Variants in MED25 observed in about 807,000 individuals in gnomAD.
MED25 encodes the protein mediator of RNA polymerase II transcription subunit 25.
A neutral mutation model predicts 89.4 loss-of-function variants in MED25; 62 were observed. That is an observed-to-expected ratio of 0.69 (90% CI 0.57 to 0.86). The LOEUF (loss-of-function observed/expected upper bound fraction) is 0.86, where lower values mean the gene tolerates loss of function less well. MED25 is among the 40% of genes least tolerant of loss of function. The pLI, the probability that MED25 is intolerant of heterozygous loss-of-function variation, is 0.00. For synonymous variants in MED25, 449 were observed against 427.9 expected, an observed-to-expected ratio of 1.05 and a Z score of -0.61; for missense variants, 905 against 1,005.2, an observed-to-expected ratio of 0.90 and a Z score of 1.35.
Position 49,831,394 on chromosome 19 carries a change from C to T in MED25, c.1163C>T (p.Ala388Val), listed in dbSNP as rs767471143. 6.2e-7 allele frequency: 1 copy of T among 1,611,064 alleles called. No homozygotes were observed. The highest frequency in any genetic ancestry group is 8.5e-7 in the Non-Finnish European group (1 of 1,178,870). Residue 388 changes from alanine (A) to valine (V), a missense_variant, in exon 10 of 18, where the codon GCC becomes GTC. Ala to Val is a moderately conservative substitution (Grantham distance 64). Transcript: ENST00000312865. The surrounding 1 kb of genome is among the most constrained non-coding windows in gnomAD (Gnocchi z 5.0). ...TCCCCAGCCCAGCTGGGAGCCCCAG[C>T]CCTCGGTGGGCAGCAGTCAGTCTCC... ...GPSPAQLGAP[A>V]LGGQQSVSNK...
In MED25 at chr19:49,829,115, C is replaced by T. The variant is rs770674259; in HGVS notation, c.525+25C>T. 17 of 1,605,214 alleles carry T rather than the reference C, an allele frequency of 1.1e-5. No homozygotes were observed. Among genetic ancestry groups the T allele is most frequent in the African/African-American group, 8.0e-5 (6 of 74,596 alleles). ...GGTGAGGACTCCAGGGTCTGAGGGA[C>T]GAGGGTCTGGGGGCCCGGAGTCTTG... is the stretch of plus-strand genomic sequence containing the variant. On this transcript the variant is annotated intron_variant, in intron 5 of 17. Transcript: ENST00000312865. The surrounding 1 kb of genome is among the most constrained non-coding windows in gnomAD (Gnocchi z 4.6).
In MED25 at chr19:49,836,757, C is replaced by T; in HGVS notation, c.2147-90C>T. ...CAGAAGGTGCTTCTGTTGGGTCCCCCAAGGGCTGCCTAGAAAACTTAGTGC... is the reference window on the plus strand; with the variant it reads ...CAGAAGGTGCTTCTGTTGGGTCCCCTAAGGGCTGCCTAGAAAACTTAGTGC... On this transcript the variant is annotated intron_variant, in intron 17 of 17. Transcript: ENST00000312865. The surrounding 1 kb of genome is among the most constrained non-coding windows in gnomAD (Gnocchi z 5.1). 1.0e-6 allele frequency: 1 copy of T among 977,966 alleles called. No individual in the cohort carries two copies. Among genetic ancestry groups the T allele is most frequent in the African/African-American group, 1.6e-5 (1 of 62,314 alleles). The allele number at this position is 977,966 out of a possible 1,614,324, so 60.6% of individuals were successfully genotyped here. A position where few individuals can be genotyped will look rare whatever the true frequency, so the allele number is the denominator to read the frequency against.
At chr19:49,818,965 C>T (rs2073961159) in intron 2 of MED25, 2 of 650,682 alleles carry the variant, frequency 3.1e-6, no homozygotes, top group East Asian at 2.8e-5. Flanking sequence ...GGCCTGGGCT[C>T]CTGGGTCTGA....
downstream of MED25, chr19:49,837,048 C>T (rs1366020545): frequency 3.2e-6 from 3 of 923,814 alleles, no homozygotes; most frequent in Non-Finnish European, 3.5e-6. Context: ...CATCTCTGTC[C>T]TTGTTCTCAC....
In MED25 at chr19:49,832,235, C is replaced by T. The variant is rs1183229063; in HGVS notation, c.1375-73C>T. ...TCTCTTTCCTGTTCCCTGCCCCACC[C>T]CCACTCCCTGCCTCATGTCCCCGCC... On this transcript the variant is annotated intron_variant, in intron 12 of 17. Coordinates refer to ENST00000312865, the MANE Select transcript of MED25 (RefSeq NM_030973.4). The T allele has an allele frequency of 1.9e-6, 3 of 1,546,524 alleles. No homozygotes were observed. In the African/African-American group the frequency reaches 4.1e-5, roughly 21 times the overall value.
rs1479596770 is a variant in MED25 at position 49,821,806 on chromosome 19, A to G, written c.305+2510A>G. 5.3e-3 allele frequency among the ~76,000 whole-genome samples: 769 copies of G among 144,784 alleles called. 8 individuals carry two copies. Among genetic ancestry groups the G allele is most frequent in the African/African-American group, 0.019 (708 of 37,898 alleles). The allele number at this position is 144,784 out of a possible 152,430, so 95.0% of individuals were successfully genotyped here. On this transcript the variant is annotated intron_variant, in intron 3 of 17. Transcript: ENST00000312865. ...ACTCCAGCCTGGGCAACAAGAGTGA[A>G]ATTCTGTCTCAAAAAAAAAAAAAAA...
In MED25 at chr19:49,835,474, G is replaced by T; in HGVS notation, c.1675-60G>T. The T allele has an allele frequency of 6.8e-7, 1 of 1,468,748 alleles. No homozygotes were observed. 91.0% of individuals were successfully genotyped at this position (1,468,748 alleles called of 1,614,324 possible). ...TTCCCCTCAGGGCACAGGCCCTCCC[G>T]CCTCAGATTCAGGATGCCACCACCC... On this transcript the variant is annotated intron_variant, in intron 14 of 17. Transcript: ENST00000312865. This position sits in a 1 kb window ranked among gnomAD's most constrained non-coding sequence, Gnocchi z 6.2.
In MED25 at chr19:49,835,786, G is replaced by C; in HGVS notation, c.1806G>C (p.Thr602=). The C allele has an allele frequency of 6.2e-7, 1 of 1,606,898 alleles. No homozygotes were observed. Among genetic ancestry groups the C allele is most frequent in the Non-Finnish European group, 8.5e-7 (1 of 1,175,460 alleles). ...PQGTVGASGA[T]GQPQPQGTAQ... ...GTACCGTAGGGGCCTCTGGGGCCAC[G>C]GGGCAGCCCCAGCCCCAAGGTACTG... Residue 602 remains threonine, a synonymous_variant, in exon 16 of 18, where the codon ACG becomes ACC. Transcript: ENST00000312865. This position sits in a 1 kb window ranked among gnomAD's most constrained non-coding sequence, Gnocchi z 6.2.
intron 13 of MED25, 108 bp downstream of exon 13, chr19:49,832,523 G>A (rs2074065904): frequency 2.7e-6 from 2 of 728,040 alleles, no homozygotes; most frequent in Admixed American, 4.0e-5. Flanking sequence ...CGTTTTTGAT[G>A]GTTGGGTGCA....
intron 3 of MED25, among the ~76,000 whole-genome samples, chr19:49,828,021 A>G (rs752856505): frequency 6.6e-6 from 1 of 152,124 alleles, no homozygotes; most frequent in Non-Finnish European, 1.5e-5. Flanking sequence ...TGAGGTCAGG[A>G]GATGGAGACC....
Position 49,836,868 on chromosome 19 carries a change from G to A in MED25, c.2168G>A (p.Gly723Asp), listed in dbSNP as rs2074102870. The A allele has an allele frequency of 6.2e-7, 1 of 1,611,660 alleles. No individual in the cohort carries two copies. Among genetic ancestry groups the A allele is most frequent in the Non-Finnish European group, 8.5e-7 (1 of 1,179,428 alleles). The stretch of plus-strand genomic sequence containing the variant: ...TCAGGTCAGATGCTGCTGAGCGGGG[G>A]TCCCCGGGGCCCGGTCCCCCAGCCG... ...PLPGQMLLSG[G>D]PRGPVPQPGL... The change falls in exon 18 of 18, where the codon GGT (glycine) becomes GAT (aspartate). Residue 723 changes from glycine to aspartate, a missense_variant. Physicochemically the swap from Gly to Asp is moderately conservative, Grantham distance 94 (BLOSUM62 -1). Coordinates refer to ENST00000312865, the MANE Select transcript of MED25 (RefSeq NM_030973.4). The surrounding 1 kb of genome is among the most constrained non-coding windows in gnomAD (Gnocchi z 5.1).
At position 49,835,863 on chromosome 19, in the gene MED25, C is replaced by T; in HGVS notation, c.1883C>T (p.Pro628Leu). ...GGCCCTCCTGGAGCAGCTTCTGGCC[C>T]ACCCCCTCCTGGACCCATCCTTCGG... The part of the protein sequence containing the change: ...PQGPPGAASG[P>L]PPPGPILRPQ... Residue 628 changes from proline to leucine, a missense_variant, in exon 16 of 18, where the codon CCA (proline) becomes CTA (leucine). Pro to Leu is a moderately conservative substitution (Grantham distance 98, BLOSUM62 -3). Transcript: ENST00000312865. The surrounding 1 kb of genome is among the most constrained non-coding windows in gnomAD (Gnocchi z 6.2). 6.2e-7 allele frequency: 1 copy of T among 1,612,632 alleles called. No homozygotes were observed. Among genetic ancestry groups the T allele is most frequent in the South Asian group, 1.1e-5 (1 of 91,088 alleles).
At chr19:49,826,202 G>A (rs577510445) in intron 3 of MED25, among the ~76,000 whole-genome samples, 90 of 152,294 alleles carry the variant, frequency 5.9e-4, no homozygotes, top group African/African-American at 7.9e-4. Context: ...TTAGCCGGGC[G>A]TGGTGGCGGG....
Position 49,835,810 on chromosome 19 carries a change from T to A in MED25, c.1830T>A (p.Thr610=). The change falls in exon 16 of 18, where the codon ACT becomes ACA. Residue 610 remains threonine, a synonymous_variant. Transcript: ENST00000312865. The surrounding 1 kb of genome is among the most constrained non-coding windows in gnomAD (Gnocchi z 6.2). Reference sequence around the variant, plus strand: ...CGGGGCAGCCCCAGCCCCAAGGTACTGCCCAGCCCCCGCCAGGTGCCCCTC... The same window carrying A: ...CGGGGCAGCCCCAGCCCCAAGGTACAGCCCAGCCCCCGCCAGGTGCCCCTC... ...GATGQPQPQG[T]AQPPPGAPQG... 6.2e-7 allele frequency: 1 copy of A among 1,608,110 alleles called. No individual in the cohort carries two copies. Among genetic ancestry groups the A allele is most frequent in the Non-Finnish European group, 8.5e-7 (1 of 1,176,386 alleles).
Position 49,829,119 on chromosome 19 carries a change from G to C in MED25, c.525+29G>C. The C allele has an allele frequency of 6.2e-7, 1 of 1,602,704 alleles. No individual in the cohort carries two copies. Among genetic ancestry groups the C allele is most frequent in the Non-Finnish European group, 8.5e-7 (1 of 1,172,922 alleles). Reference sequence around the variant, plus strand: ...AGGACTCCAGGGTCTGAGGGACGAGGGTCTGGGGGCCCGGAGTCTTGGGTC... The same window carrying C: ...AGGACTCCAGGGTCTGAGGGACGAGCGTCTGGGGGCCCGGAGTCTTGGGTC... On this transcript the variant is annotated intron_variant, in intron 5 of 17. Coordinates refer to ENST00000312865, the MANE Select transcript of MED25 (RefSeq NM_030973.4). The surrounding 1 kb of genome is among the most constrained non-coding windows in gnomAD (Gnocchi z 4.6).
Position 49,834,033 on chromosome 19 carries a change from T to C in MED25, c.1483-953T>C, listed in dbSNP as rs2074078263. ...CTTTATAGTCACAAGGTAGCTCTCATGGCTCCACGCATCCTGTGTGCTTTC... is the reference window on the plus strand; with the variant it reads ...CTTTATAGTCACAAGGTAGCTCTCACGGCTCCACGCATCCTGTGTGCTTTC... On this transcript the variant is annotated intron_variant, in intron 13 of 17. Coordinates refer to ENST00000312865, the MANE Select transcript of MED25 (RefSeq NM_030973.4). The surrounding 1 kb of genome is among the most constrained non-coding windows in gnomAD (Gnocchi z 4.1). 6.6e-6 allele frequency: 1 copy of C among 152,276 alleles called. No homozygotes were observed. The highest frequency in any genetic ancestry group is 1.5e-5 in the Non-Finnish European group (1 of 68,058). 9.4% of individuals were successfully genotyped at this position (152,276 alleles called of 1,614,324 possible).
Position 49,832,292 on chromosome 19 carries a change from T to C in MED25, c.1375-16T>C, listed in dbSNP as rs747918411. On this transcript the variant is annotated splice_polypyrimidine_tract_variant and intron_variant, in intron 12 of 17. Coordinates refer to ENST00000312865, the MANE Select transcript of MED25 (RefSeq NM_030973.4). Reference sequence around the variant, plus strand: ...GCCCACACCAGCATGCCAGCCGACTTCTGTGTCTCCCGCAGACCACCCTGG... The same window carrying C: ...GCCCACACCAGCATGCCAGCCGACTCCTGTGTCTCCCGCAGACCACCCTGG... The C allele has an allele frequency of 5.1e-6, 8 of 1,581,498 alleles. No individual in the cohort carries two copies. The highest frequency in any genetic ancestry group is 6.9e-6 in the Non-Finnish European group (8 of 1,156,284).
In MED25 at chr19:49,834,414, C is replaced by G. The variant is rs2074080766; in HGVS notation, c.1483-572C>G. 3 of 170,408 alleles carry G rather than the reference C, an allele frequency of 1.8e-5. No homozygotes were observed. The South Asian group carries it at 4.0e-4, about 23-fold the overall frequency. 10.6% of individuals were successfully genotyped at this position (170,408 alleles called of 1,614,324 possible). A position where few individuals can be genotyped will look rare whatever the true frequency, so the allele number is the denominator to read the frequency against. On this transcript the variant is annotated intron_variant, in intron 13 of 17. Transcript: ENST00000312865. The surrounding 1 kb of genome is among the most constrained non-coding windows in gnomAD (Gnocchi z 4.1). Reference sequence around the variant, plus strand: ...CCTGAATGCTCCATGTGTTACCCCCCTGATGACCAGTGATGTTTCCTGGGT... The same window carrying G: ...CCTGAATGCTCCATGTGTTACCCCCGTGATGACCAGTGATGTTTCCTGGGT...
chr19:49,818,655 CG>C, intron 2 of MED25, 39 bp downstream of exon 2: 2 of 1,588,302 alleles, frequency 1.3e-6, no homozygotes, highest in South Asian at 2.2e-5. Context: ...GAGGAGGGGC[CG>C]GGGGCCTGGA....
Sources: allele counts gnomAD v4.1 joint callset (sites outside exome capture counted in the v4.1 genomes callset), GRCh38; gene constraint gnomAD v4.1.1; non-coding constraint Gnocchi (gnomAD v3.1); transcripts MANE v1.5; gene names NCBI Gene and HGNC (gene_info 2026-07-23, HGNC 2026-07-21).